Variants in TBL1X observed in about 807,000 individuals in gnomAD.
TBL1X encodes the protein F-box-like/WD repeat-containing protein TBL1X.
A neutral mutation model predicts 50.7 loss-of-function variants in TBL1X; 10 were observed. The observed-to-expected ratio is 0.20, with a 90% CI of 0.12 to 0.33. The LOEUF (loss-of-function observed/expected upper bound fraction) is 0.33, where lower values mean the gene tolerates loss of function less well. Ranked by LOEUF, TBL1X falls within the 10% of genes least tolerant of loss-of-function variation. The pLI is 1.00. For synonymous variants in TBL1X, 190 were observed against 214.7 expected, an observed-to-expected ratio of 0.88 and a Z score of 1.01; for missense variants, 340 against 504.4, an observed-to-expected ratio of 0.67 and a Z score of 3.12.
At chrX:9,549,768 T>C in intron 2 of TBL1X, among the ~76,000 whole-genome samples, 1 of 112,094 alleles carries the variant, frequency 8.9e-6, no homozygotes, top group Non-Finnish European at 1.9e-5. Flanking sequence ...CTGTACAGAA[T>C]TCTGCGATGC....
intron 16 of TBL1X, among the ~76,000 whole-genome samples, chrX:9,714,445 G>A (rs762406331): frequency 9.0e-6 from 1 of 111,565 alleles, no homozygotes; most frequent in African/African-American, 3.3e-5. Flanking sequence ...AGGGAGGAAG[G>A]TAGGGGGAAG....
chrX:9,688,790 A>C (rs997419437), intron 7 of TBL1X, among the ~76,000 whole-genome samples: 2 of 113,216 alleles, frequency 1.8e-5, no homozygotes, highest in African/African-American at 6.4e-5. Flanking sequence ...TTCTACCCAG[A>C]GAACCTGCTC....
At chrX:9,652,458 A>C (rs2082840811) in intron 3 of TBL1X, among the ~76,000 whole-genome samples, 1 of 112,470 alleles carries the variant, frequency 8.9e-6, no homozygotes, top group African/African-American at 3.2e-5. Flanking sequence ...CCCCCTAAAC[A>C]AACAAAAACT....
At chrX:9,681,598 G>C (rs893469027) in intron 5 of TBL1X, among the ~76,000 whole-genome samples, 2 of 112,307 alleles carry the variant, frequency 1.8e-5, no homozygotes, top group Non-Finnish European at 3.8e-5. Context: ...GCTGCTTGCG[G>C]GAATGAATGA....
intron 15 of TBL1X, among the ~76,000 whole-genome samples, chrX:9,710,413 C>T (rs969623714): frequency 1.7e-4 from 19 of 110,266 alleles, no homozygotes; most frequent in African/African-American, 6.3e-4. Context: ...AACACATAGG[C>T]CGTAATTCTC....
chrX:9,467,252 G>T (rs2081781742), intron 1 of TBL1X, among the ~76,000 whole-genome samples: 1 of 111,381 alleles, frequency 9.0e-6, no homozygotes, highest in Non-Finnish European at 1.9e-5. Flanking sequence ...GCCATCTCCA[G>T]CAGGTCCCGA....
rs2083291356 is a variant in TBL1X, at chrX:9,718,406, G to A, written c.*2160G>A. The A allele has an allele frequency of 8.9e-6, 1 of 111,762 alleles. No individual in the cohort carries two copies. Among genetic ancestry groups the A allele is most frequent in the African/African-American group, 3.3e-5 (1 of 30,703 alleles). 9.2% of individuals were successfully genotyped at this position (111,762 alleles called of 1,213,427 possible). The stretch of plus-strand genomic sequence containing the variant: ...TGGTTCTGAGATGAGTATTTTATTC[G>A]TGTTCTGTTTCCGAAACACTTAGCA... On this transcript the variant is annotated 3_prime_UTR_variant, in exon 18 of 18. Transcript: ENST00000645353.
At chrX:9,561,328 TTGTA>T (rs1192247340) in intron 2 of TBL1X, among the ~76,000 whole-genome samples, 1 of 111,262 alleles carries the variant, frequency 9.0e-6, no homozygotes, top group Non-Finnish European at 1.9e-5. Context: ...GCTCCAGTAT[TTGTA>T]TGAGTGTTGG....
upstream of TBL1X, among the ~76,000 whole-genome samples, chrX:9,464,052 T>C: frequency 9.0e-6 from 1 of 111,402 alleles, no homozygotes; most frequent in Non-Finnish European, 1.9e-5. Context: ...CATTATATAG[T>C]AAAGGAAGGG....
intron 1 of TBL1X, among the ~76,000 whole-genome samples, chrX:9,471,173 CTG>C (rs1335681976): frequency 8.9e-6 from 1 of 112,638 alleles, no homozygotes; most frequent in Admixed American, 9.4e-5. Flanking sequence ...ATTCCTACAT[CTG>C]TGTTTCTATG....
chrX:9,544,346 G>T, intron 2 of TBL1X, among the ~76,000 whole-genome samples: 1 of 110,985 alleles, frequency 9.0e-6, no homozygotes, highest in Middle Eastern at 4.6e-3. Context: ...GGGTCCCCTG[G>T]AGAATGCCAG....
At chrX:9,684,369 G>A in intron 6 of TBL1X, among the ~76,000 whole-genome samples, 181 bp downstream of exon 6, 1 of 110,537 alleles carries the variant, frequency 9.0e-6, no homozygotes, top group South Asian at 3.9e-4. Flanking sequence ...AAGTCTACTT[G>A]ACCCCAGGAG....
At chrX:9,631,839 G>A (rs893389315) in intron 2 of TBL1X, among the ~76,000 whole-genome samples, 2 of 112,735 alleles carry the variant, frequency 1.8e-5, no homozygotes, top group African/African-American at 6.4e-5. Flanking sequence ...TCCATCCGAA[G>A]TTTTTCTTCC....
At chrX:9,676,758 T>A (rs1165057026) in intron 5 of TBL1X, among the ~76,000 whole-genome samples, 3 of 112,111 alleles carry the variant, frequency 2.7e-5, no homozygotes, top group Non-Finnish European at 5.6e-5. Flanking sequence ...TTTTTTCATA[T>A]AAACACATTA....
intron 2 of TBL1X, among the ~76,000 whole-genome samples, chrX:9,617,932 G>C (rs1252317998): frequency 1.8e-5 from 2 of 111,413 alleles, no homozygotes; most frequent in African/African-American, 6.5e-5. Flanking sequence ...AGATGGTTGT[G>C]GTGGGGCTGC....
rs1264895980 is a variant in TBL1X at position 9,637,818 on chromosome X, A to G, written c.-130-2455A>G. On this transcript the variant is annotated intron_variant, in intron 2 of 17. Transcript: ENST00000645353. ...TTCCTAAGGGTCAGACAGGCTCTCA[A>G]GCAACCCCCATGACCACAAGTTGTG... The G allele has an allele frequency of 2.7e-5, 3 of 111,258 alleles. No individual in the cohort carries two copies. In the Admixed American group the frequency reaches 2.9e-4, roughly 11 times the overall value. 9.2% of individuals were successfully genotyped at this position (111,258 alleles called of 1,213,427 possible). A position where few individuals can be genotyped will look rare whatever the true frequency, so the allele number is the denominator to read the frequency against.
In TBL1X at chrX:9,716,235, C is replaced by T; in HGVS notation, c.1723C>T (p.Leu575=). The T allele has an allele frequency of 1.7e-6, 2 of 1,210,203 alleles. No homozygotes were observed. The highest frequency in any genetic ancestry group is 2.3e-4 in the Middle Eastern group (1 of 4,348). The change falls in exon 18 of 18, where the codon CTG becomes TTG. Residue 575 remains leucine (L), a synonymous_variant. Coordinates refer to ENST00000645353, the MANE Select transcript of TBL1X (RefSeq NM_005647.4). ...TTCCTTCCAGGTGTGTGTTTTGGAT[C>T]TGCGGAAGTAACCACAAAATATTAT... ...ASDGSVCVLD[L]RK is the part of the protein sequence containing the mutation.
intron 2 of TBL1X, among the ~76,000 whole-genome samples, chrX:9,591,869 G>C (rs1569068028): frequency 8.9e-6 from 1 of 112,252 alleles, no homozygotes; most frequent in Non-Finnish European, 1.9e-5. Flanking sequence ...GGTACCCAGG[G>C]GGGCAGGGGA....
At chrX:9,572,681 TA>T (rs1219417684) in intron 2 of TBL1X, among the ~76,000 whole-genome samples, 1 of 112,782 alleles carries the variant, frequency 8.9e-6, no homozygotes, top group African/African-American at 3.2e-5. Context: ...TTTATGACTT[TA>T]TTTACATGGA....
Sources: gnomAD v4.1 joint callset for allele counts (sites outside exome capture counted in the v4.1 genomes callset) on GRCh38, gnomAD v4.1.1 for gene constraint, MANE v1.5 for transcripts, NCBI Gene and HGNC (gene_info 2026-07-23, HGNC 2026-07-21) for gene names.